The following GRIA3 variants were observed in gnomAD, a reference collection of about 807,000 sequenced individuals.
GRIA3 encodes glutamate ionotropic receptor AMPA type subunit 3.
A neutral mutation model predicts 63.0 loss-of-function variants in GRIA3; 3 were observed. The observed-to-expected ratio is 0.05, with a 90% CI of 0.02 to 0.12. The LOEUF is 0.12. GRIA3 is among the 10% of genes least tolerant of loss of function. The pLI is 1.00. For synonymous variants in GRIA3, 274 were observed against 257.9 expected (o/e 1.06, Z -0.60); for missense variants, 347 against 700.9 (o/e 0.50, Z 5.70).
At chrX:123,208,242 T>C (rs1012090029) in intron 2 of GRIA3, among the ~76,000 whole-genome samples, 1 of 112,012 alleles carries the variant, frequency 8.9e-6, no homozygotes, top group African/African-American at 3.2e-5. Context: ...TTGAAAAGAA[T>C]ATTACCAGAC....
chrX:123,247,884 A>T (rs753754675), intron 2 of GRIA3, among the ~76,000 whole-genome samples: 7 of 111,141 alleles, frequency 6.3e-5, no homozygotes, highest in Non-Finnish European at 1.3e-4. Flanking sequence ...AGAGAGAGAG[A>T]GGTGAAGCTG....
chrX:123,282,015 T>C (rs1231854316), intron 3 of GRIA3, among the ~76,000 whole-genome samples: 1 of 111,161 alleles, frequency 9.0e-6, no homozygotes, highest in African/African-American at 3.3e-5. Context: ...GCCTCAGAAA[T>C]CATCTGGAGG....
intron 4 of GRIA3, among the ~76,000 whole-genome samples, chrX:123,354,443 C>A (rs2045119302): frequency 8.9e-6 from 1 of 111,893 alleles, no homozygotes; most frequent in South Asian, 3.7e-4. Flanking sequence ...GCAAAAGCAA[C>A]CTCGGTTAAC....
intron 3 of GRIA3, among the ~76,000 whole-genome samples, chrX:123,298,248 G>A (rs746946969): frequency 9.0e-6 from 1 of 111,528 alleles, no homozygotes; most frequent in African/African-American, 3.3e-5. Flanking sequence ...TATATGCCCA[G>A]TAATGGGATT....
intron 3 of GRIA3, among the ~76,000 whole-genome samples, chrX:123,273,225 T>G (rs982298209): frequency 8.9e-6 from 1 of 111,793 alleles, no homozygotes; most frequent in Non-Finnish European, 1.9e-5. Flanking sequence ...TCTTCCCCTC[T>G]CAAGGAGAAC....
rs917229021 is a variant in GRIA3, at chrX:123,433,077, T to C, written c.2076+4938T>C. Among the ~76,000 whole-genome samples, 16 of 111,964 alleles carry C rather than the reference T, an allele frequency of 1.4e-4. 1 individual carries two copies. The highest frequency in any genetic ancestry group is 5.2e-4 in the African/African-American group (16 of 30,894). On this transcript the variant is annotated intron_variant, in intron 12 of 15. Transcript: ENST00000620443. Reference sequence around the variant, plus strand: ...CTTTCTGATTTTATGTGGCGATCATTTGCCATGCTGGTAGAAGGTTTTATG... The same window carrying C: ...CTTTCTGATTTTATGTGGCGATCATCTGCCATGCTGGTAGAAGGTTTTATG...
chrX:123,241,469 T>G lies in GRIA3; in HGVS notation c.269-11834T>G, dbSNP rs139292803. 4.0e-4 allele frequency among the ~76,000 whole-genome samples: 45 copies of G among 111,278 alleles called. No individual in the cohort carries two copies. In the East Asian group the frequency reaches 0.012, roughly 31 times the overall value. ...AGCTGTTTGTTTGTTGTTGTGGTTT[T>G]GTTTTGTTTTATTTTGTTTTGTTTT... On this transcript the variant is annotated intron_variant, in intron 2 of 15. Transcript: ENST00000620443.
At position 123,236,907 on chromosome X, in the gene GRIA3, A is replaced by G. The variant is rs6648983; in HGVS notation, c.269-16396A>G. ...TTTCCTGGGCCTTCAAAAGCTTCTC[A>G]GTCATTGATGAAGTTCACATTTACA... On this transcript the variant is annotated intron_variant, in intron 2 of 15. Transcript: ENST00000620443. Among the ~76,000 whole-genome samples, 6 of 112,010 alleles carry G rather than the reference A, an allele frequency of 5.4e-5. No homozygotes were observed. The East Asian group carries it at 1.7e-3, about 32-fold the overall frequency.
chrX:123,289,141 C>T (rs759805722), intron 3 of GRIA3, among the ~76,000 whole-genome samples: 2 of 111,107 alleles, frequency 1.8e-5, no homozygotes, highest in African/African-American at 6.5e-5. Flanking sequence ...AAGCTGGAAA[C>T]CATCATTCTC....
At position 123,464,610 on chromosome X, in the gene GRIA3, C is replaced by T. The variant is rs1247833668; in HGVS notation, c.2077-255C>T. On this transcript the variant is annotated intron_variant, in intron 12 of 15. Coordinates refer to ENST00000620443, the MANE Select transcript of GRIA3 (RefSeq NM_007325.5). Reference sequence around the variant, plus strand: ...GGCCATGAAATCCATTTAGTGGGTCCTGAGCAACATTATTTAAAATGAATT... The same window carrying T: ...GGCCATGAAATCCATTTAGTGGGTCTTGAGCAACATTATTTAAAATGAATT... Among the ~76,000 whole-genome samples the T allele has an allele frequency of 1.8e-5, 2 of 111,073 alleles. 1 individual carries two copies. Among genetic ancestry groups the T allele is most frequent in the African/African-American group, 6.6e-5 (2 of 30,483 alleles).
At chrX:123,229,594 A>G (rs926631518) in intron 2 of GRIA3, among the ~76,000 whole-genome samples, 6 of 111,749 alleles carry the variant, frequency 5.4e-5, no homozygotes, top group African/African-American at 2.0e-4. Context: ...GAGTAAAAAC[A>G]GAGGCCAGCT....
At chrX:123,452,291 A>T (rs2045736890) in intron 12 of GRIA3, among the ~76,000 whole-genome samples, 1 of 110,615 alleles carries the variant, frequency 9.0e-6, no homozygotes. Context: ...TCCTGCTGAC[A>T]AGCTGGCTTT....
chrX:123,419,778 G>C (rs1603145208), intron 11 of GRIA3, among the ~76,000 whole-genome samples: 1 of 111,364 alleles, frequency 9.0e-6, no homozygotes, highest in Middle Eastern at 4.6e-3. Flanking sequence ...TGGGGAAGTT[G>C]CCTCACTTGC....
intron 5 of GRIA3, among the ~76,000 whole-genome samples, chrX:123,390,127 T>C (rs2045377471): frequency 8.9e-6 from 1 of 112,332 alleles, no homozygotes; most frequent in African/African-American, 3.2e-5. Flanking sequence ...ATACTTTGCT[T>C]CTTTCTTCCT....
intron 2 of GRIA3, among the ~76,000 whole-genome samples, chrX:123,186,371 A>T (rs1016436965): frequency 1.2e-4 from 13 of 112,004 alleles, no homozygotes; most frequent in East Asian, 2.8e-4. Flanking sequence ...GATGAGATTT[A>T]AAAAAGCAGC....
At chrX:123,464,777 T>C in intron 12 of GRIA3, 88 bp from the exon 13 acceptor site, 2 of 821,478 alleles carry the variant, frequency 2.4e-6, no homozygotes, top group Non-Finnish European at 3.6e-6. Flanking sequence ...TTACTGTGGA[T>C]TGCAATTAAA....
chrX:123,480,476 T>C (rs1300951982), intron 14 of GRIA3, among the ~76,000 whole-genome samples: 2 of 111,499 alleles, frequency 1.8e-5, no homozygotes, highest in Non-Finnish European at 3.8e-5. Context: ...ATTTCACATT[T>C]CAAAAGTTCA....
intron 3 of GRIA3, among the ~76,000 whole-genome samples, chrX:123,282,389 C>T (rs1011886230): frequency 8.9e-6 from 1 of 112,212 alleles, no homozygotes; most frequent in Non-Finnish European, 1.9e-5. Flanking sequence ...ATCTGAAAAA[C>T]AATCCCATTT....
At chrX:123,460,469 A>C (rs1310193308) in intron 12 of GRIA3, among the ~76,000 whole-genome samples, 1 of 112,002 alleles carries the variant, frequency 8.9e-6, no homozygotes, top group Non-Finnish European at 1.9e-5. Flanking sequence ...AGAGCCCTTC[A>C]AAAGGGGTTG....
Sources: gnomAD v4.1 joint callset for allele counts (sites outside exome capture counted in the v4.1 genomes callset) on GRCh38, gnomAD v4.1.1 for gene constraint, MANE v1.5 for transcripts, NCBI Gene and HGNC (gene_info 2026-07-23, HGNC 2026-07-21) for gene names.